The following EHBP1 variants were observed in gnomAD, a reference collection of about 807,000 sequenced individuals.
EHBP1 encodes EH domain binding protein 1.
Under a neutral mutation model 144.0 loss-of-function variants are expected in EHBP1, and 55 were observed. That is an observed-to-expected ratio of 0.38 (90% CI 0.31 to 0.48). EHBP1 has a LOEUF of 0.48. EHBP1 is among the 20% of genes least tolerant of loss of function. The pLI, the probability that EHBP1 is intolerant of heterozygous loss-of-function variation, is 0.98. For synonymous variants in EHBP1, 469 were observed against 472.7 expected (o/e 0.99, Z 0.10); for missense variants, 1,200 against 1,364.2 (o/e 0.88, Z 1.90).
chr2:62,734,326 A>T (rs926926595), intron 2 of EHBP1, among the ~76,000 whole-genome samples: 3 of 150,520 alleles, frequency 2.0e-5, no homozygotes, highest in Non-Finnish European at 3.0e-5. Flanking sequence ...TTCCTTTTTT[A>T]AAAAAAACAT....
At chr2:62,703,632 G>A (rs1558517730), upstream of EHBP1, among the ~76,000 whole-genome samples, 1 of 152,016 alleles carries the variant, frequency 6.6e-6, no homozygotes, top group Non-Finnish European at 1.5e-5. Context: ...TGTCTAGAAG[G>A]AAAAATAAGA....
chr2:62,961,017 C>A (rs1356182932), intron 14 of EHBP1, among the ~76,000 whole-genome samples: 2 of 152,194 alleles, frequency 1.3e-5, no homozygotes, highest in Admixed American at 1.3e-4. Flanking sequence ...CCTTGAATCA[C>A]AACACTACAA....
At chr2:63,020,519 G>A (rs1332374051) in intron 19 of EHBP1, among the ~76,000 whole-genome samples, 6 of 148,948 alleles carry the variant, frequency 4.0e-5, no homozygotes, top group Non-Finnish European at 8.9e-5. Context: ...AAAAAAGAAA[G>A]AAAAAAGAAA....
chr2:62,700,889 G>GT (rs2034261103), upstream of EHBP1, among the ~76,000 whole-genome samples: 1 of 152,028 alleles, frequency 6.6e-6, no homozygotes. Context: ...TAACAACCCA[G>GT]TTTTTTCTTC....
chr2:62,866,432 A>T (rs564344215), intron 9 of EHBP1, among the ~76,000 whole-genome samples: 6 of 152,356 alleles, frequency 3.9e-5, no homozygotes, highest in African/African-American at 9.6e-5. Context: ...ATTAGTATAG[A>T]TGCAGAAATG....
chr2:62,978,910 A>G (rs1261314295), intron 14 of EHBP1, among the ~76,000 whole-genome samples: 1 of 152,218 alleles, frequency 6.6e-6, no homozygotes, highest in African/African-American at 2.4e-5. Context: ...TTTTATTAAT[A>G]ATAATTTCTG....
In EHBP1 at chr2:62,707,149, G is replaced by A. The variant is rs1194565330; in HGVS notation, c.-43G>A. On this transcript the variant is annotated 5_prime_UTR_variant, in exon 2 of 23. Transcript: ENST00000431489. ...GACCCTCTGCATTATTAAAGCTGCTGTATTGCTAACCCAGAACTGCTCCAG... is the reference window on the plus strand; with the variant it reads ...GACCCTCTGCATTATTAAAGCTGCTATATTGCTAACCCAGAACTGCTCCAG... 1.3e-6 allele frequency: 2 copies of A among 1,502,800 alleles called. No individual in the cohort carries two copies. The highest frequency in any genetic ancestry group is 1.4e-5 in the African/African-American group (1 of 72,630). The allele number at this position is 1,502,800 out of a possible 1,614,324, so 93.1% of individuals were successfully genotyped here.
At position 62,970,133 on chromosome 2, in the gene EHBP1, G is replaced by C. The variant is rs140426177; in HGVS notation, c.2461-9055G>C. ...GGTCCATTCTGAATGCCTAATAACA[G>C]AGTCTTGCTCCCTGTCTAATGATGA... is the stretch of plus-strand genomic sequence containing the variant. On this transcript the variant is annotated intron_variant, in intron 14 of 22. Transcript: ENST00000431489. Among the ~76,000 whole-genome samples the C allele has an allele frequency of 4.1e-3, 610 of 147,474 alleles. 5 individuals are homozygous for C. The highest frequency in any genetic ancestry group is 0.035 in the Middle Eastern group (10 of 286).
chr2:63,039,659 A>C (rs1198886973), intron 21 of EHBP1, among the ~76,000 whole-genome samples: 1 of 152,186 alleles, frequency 6.6e-6, no homozygotes, highest in Non-Finnish European at 1.5e-5. Flanking sequence ...TAATAAGTCA[A>C]TTCTAATTAG....
intron 9 of EHBP1, among the ~76,000 whole-genome samples, chr2:62,868,783 T>TA (rs919417071): frequency 3.0e-4 from 45 of 150,598 alleles, no homozygotes; most frequent in Admixed American, 1.2e-3. Context: ...GTCTATCTCT[T>TA]AAAAAAAAAA....
chr2:62,812,899 G>T (rs1218482050), intron 5 of EHBP1, among the ~76,000 whole-genome samples: 1 of 152,166 alleles, frequency 6.6e-6, no homozygotes, highest in Non-Finnish European at 1.5e-5. Flanking sequence ...GAGTGAAAAG[G>T]CATCTTTAGG....
chr2:62,950,811 G>A (rs572941974), intron 13 of EHBP1, among the ~76,000 whole-genome samples: 2 of 152,026 alleles, frequency 1.3e-5, no homozygotes, highest in African/African-American at 2.4e-5. Flanking sequence ...TCAGCCTCCC[G>A]AGAAGCTGGG....
At chr2:62,705,032 C>T (rs1024754550), upstream of EHBP1, among the ~76,000 whole-genome samples, 1 of 152,182 alleles carries the variant, frequency 6.6e-6, no homozygotes, top group South Asian at 2.1e-4. Flanking sequence ...GTACTGTACA[C>T]ATTTTGTGTC....
chr2:62,969,088 G>C (rs1350146580), intron 14 of EHBP1, among the ~76,000 whole-genome samples: 1 of 90,534 alleles, frequency 1.1e-5, no homozygotes, highest in African/African-American at 4.2e-5. Flanking sequence ...ATTATCAAAG[G>C]GTCCTTTTTT....
chr2:62,827,958 C>G (rs534737269), intron 6 of EHBP1, among the ~76,000 whole-genome samples: 1 of 152,092 alleles, frequency 6.6e-6, no homozygotes, highest in South Asian at 2.1e-4. Flanking sequence ...TGTGAGCCAC[C>G]GCGCCCAGCC....
chr2:62,850,200 A>G (rs1205037982), intron 7 of EHBP1, among the ~76,000 whole-genome samples: 3 of 152,192 alleles, frequency 2.0e-5, no homozygotes, highest in Non-Finnish European at 2.9e-5. Flanking sequence ...AAGAGTTACT[A>G]TTTTAGACCA....
intron 3 of EHBP1, 110 bp downstream of exon 3, chr2:62,747,562 T>C (rs1573097627): frequency 1.2e-6 from 1 of 830,528 alleles, no homozygotes; most frequent in South Asian, 1.8e-5. Flanking sequence ...TGTTTTTTTT[T>C]CTTGATTGTC....
At chr2:62,899,997 G>T (rs2053262548) in intron 10 of EHBP1, among the ~76,000 whole-genome samples, 1 of 152,134 alleles carries the variant, frequency 6.6e-6, no homozygotes, top group African/African-American at 2.4e-5. Flanking sequence ...CTACATTTCA[G>T]GCAAACACAA....
At chr2:62,980,596 C>G (rs1051882443) in intron 15 of EHBP1, among the ~76,000 whole-genome samples, 7 of 152,072 alleles carry the variant, frequency 4.6e-5, no homozygotes, top group Non-Finnish European at 8.8e-5. Flanking sequence ...CTTATAACAT[C>G]TAATCTTCCA....
Sources: allele counts gnomAD v4.1 joint callset (sites outside exome capture counted in the v4.1 genomes callset), GRCh38; gene constraint gnomAD v4.1.1; transcripts MANE v1.5; gene names NCBI Gene and HGNC (gene_info 2026-07-23, HGNC 2026-07-21).